Variants in CHD2 observed in about 807,000 individuals in gnomAD.
CHD2 encodes ATP-dependent chromatin remodeler CHD2.
CHD2 carries 28 observed loss-of-function variants against 243.9 expected under a neutral mutation model. That is an observed-to-expected ratio of 0.11 (90% CI 0.09 to 0.16). CHD2 has a LOEUF of 0.16. Among genes scored for constraint, CHD2 ranks in the 10% least tolerant of loss-of-function variants. The probability of loss-of-function intolerance (pLI) is 1.00; values close to 1 mark genes in which losing one functional copy is unlikely to be tolerated. For missense variants in CHD2, 1,386 were observed against 2,209.8 expected (o/e 0.63, Z 7.47); for synonymous variants, 775 against 779.0 (o/e 0.99, Z 0.09).
chr15:92,901,441 C>G (rs1266644601), intron 2 of CHD2, 142 bp downstream of exon 2: 4 of 639,850 alleles, frequency 6.3e-6, no homozygotes, highest in Non-Finnish European at 8.4e-6. Flanking sequence ...AAAGCATGAC[C>G]TTGAGATTGC....
At chr15:92,928,579 G>A (rs1295204074) in intron 4 of CHD2, among the ~76,000 whole-genome samples, 2 of 152,314 alleles carry the variant, frequency 1.3e-5, no homozygotes, top group Non-Finnish European at 2.9e-5. Flanking sequence ...TTATTTGATA[G>A]TCTCAATCTG....
At chr15:93,006,603 C>G (rs56245530) in intron 34 of CHD2, among the ~76,000 whole-genome samples, 106,511 of 152,116 alleles carry the variant, frequency 0.7, 38,644 homozygotes, top group East Asian at 0.99. Flanking sequence ...CTGTGAGGTA[C>G]GTTAGTGTTT....
At chr15:92,958,628 A>G (rs141533091) in intron 16 of CHD2, among the ~76,000 whole-genome samples, 40 of 152,334 alleles carry the variant, frequency 2.6e-4, no homozygotes, top group Non-Finnish European at 4.9e-4. Context: ...AAAAAATTCT[A>G]AAGACAAGTG....
At chr15:92,925,320 A>G (rs34498571) in intron 3 of CHD2, among the ~76,000 whole-genome samples, 26,496 of 152,228 alleles carry the variant, frequency 0.17, 3,093 homozygotes, top group Non-Finnish European at 0.26. Flanking sequence ...TTACTCATGT[A>G]AGAGTACTCA....
Position 92,953,523 on chromosome 15 carries a change from C to G in CHD2, c.1669C>G (p.Pro557Ala). 1 of 1,614,008 alleles carries G rather than the reference C, an allele frequency of 6.2e-7. No homozygotes were observed. The highest frequency in any genetic ancestry group is 8.5e-7 in the Non-Finnish European group (1 of 1,180,004). The part of the protein sequence containing the change: ...SWQREFEIWA[P>A]EINVVVYIGD... ...GCAGAGAGAGTTTGAAATCTGGGCA[C>G]CAGAGATTAACGTAGTGGTTTACAT... Residue 557 changes from proline (P) to alanine (A), a missense_variant, in exon 14 of 39, where the codon CCA becomes GCA. Transcript: ENST00000394196.
At chr15:92,909,297 C>A (rs1247537839) in intron 2 of CHD2, among the ~76,000 whole-genome samples, 1 of 152,106 alleles carries the variant, frequency 6.6e-6, no homozygotes, top group African/African-American at 2.4e-5. Flanking sequence ...AATGCAGTTA[C>A]ATTCCATTCT....
At chr15:92,986,989 G>C (rs527958528) in intron 26 of CHD2, among the ~76,000 whole-genome samples, 2 of 152,166 alleles carry the variant, frequency 1.3e-5, no homozygotes, top group East Asian at 3.9e-4. Context: ...TCCTGCTTCA[G>C]CCTCCCAAAG....
intron 16 of CHD2, among the ~76,000 whole-genome samples, chr15:92,962,851 G>T (rs2053708452): frequency 6.6e-6 from 1 of 152,024 alleles, no homozygotes; most frequent in Non-Finnish European, 1.5e-5. Context: ...GTATGTTCCT[G>T]AGGTATTGAC....
chr15:92,924,880 A>C (rs1555437465), intron 3 of CHD2, among the ~76,000 whole-genome samples: 3 of 152,106 alleles, frequency 2.0e-5, no homozygotes, highest in Non-Finnish European at 1.5e-5. Flanking sequence ...GGCTCACTGC[A>C]ATCTCCGCCT....
intron 5 of CHD2, among the ~76,000 whole-genome samples, chr15:92,934,536 C>G (rs1051755547): frequency 6.6e-6 from 1 of 152,182 alleles, no homozygotes; most frequent in Non-Finnish European, 1.5e-5. Context: ...GACTGACTTA[C>G]AATGTATGGC....
At chr15:92,969,772 A>G (rs1052483712) in intron 17 of CHD2, among the ~76,000 whole-genome samples, 2 of 151,408 alleles carry the variant, frequency 1.3e-5, no homozygotes, top group Non-Finnish European at 2.9e-5. Context: ...AGCTAATACT[A>G]CCACCAACAA....
intron 8 of CHD2, among the ~76,000 whole-genome samples, chr15:92,942,483 G>A (rs185272556): frequency 1.1e-4 from 17 of 151,810 alleles, no homozygotes; most frequent in East Asian, 3.9e-4. Context: ...AGTAGGGGAG[G>A]TTGGAGGAGG....
At chr15:92,937,649 T>G in intron 6 of CHD2, 24 bp downstream of exon 6, 8 of 1,532,614 alleles carry the variant, frequency 5.2e-6, no homozygotes, top group Non-Finnish European at 7.2e-6. Context: ...TTAAGATCTC[T>G]ACTTGGGATG....
At chr15:92,975,853 TAATC>T (rs58493097) in intron 20 of CHD2, among the ~76,000 whole-genome samples, 116,036 of 151,478 alleles carry the variant, frequency 0.77, 45,861 homozygotes, top group East Asian at 1. Context: ...CTTGGGGCAT[TAATC>T]TATTCAGAGC....
Position 92,992,989 on chromosome 15 carries a change from G to T in CHD2, c.3586G>T (p.Ala1196Ser). Residue 1196 changes from alanine (A) to serine (S), a missense_variant, in exon 28 of 39, where the codon GCC (alanine) becomes TCC (serine). Ala to Ser is a moderately conservative substitution (Grantham distance 99, BLOSUM62 1). Around this residue, in one of 19 missense-constraint regions of CHD2, gnomAD observed 99 missense variants for 176.9 expected, o/e 0.56. Transcript: ENST00000394196. ...ATACGAAGAGCAGCTGAAAGAAAAT[G>T]CCAGCGAGGGTAAGCGAAGTTGGCT... ...QEYEEQLKEN[A>S]SEGKGPGKRR... 3 of 1,613,636 alleles carry T rather than the reference G, an allele frequency of 1.9e-6. No homozygotes were observed. The highest frequency in any genetic ancestry group is 2.5e-6 in the Non-Finnish European group (3 of 1,180,004).
At chr15:92,990,311 A>C (rs2054100488) in intron 26 of CHD2, among the ~76,000 whole-genome samples, 1 of 152,198 alleles carries the variant, frequency 6.6e-6, no homozygotes, top group African/African-American at 2.4e-5. Context: ...GCTGGGGTTA[A>C]GGGGTGGGAA....
intron 22 of CHD2, among the ~76,000 whole-genome samples, chr15:92,979,793 C>T (rs2053953985): frequency 1.3e-5 from 2 of 151,982 alleles, no homozygotes; most frequent in South Asian, 4.2e-4. Context: ...TGGCAGGCGC[C>T]TGTAGTCTCA....
At chr15:92,984,704 C>T (rs1177532969) in intron 25 of CHD2, among the ~76,000 whole-genome samples, 1 of 152,172 alleles carries the variant, frequency 6.6e-6, no homozygotes, top group Non-Finnish European at 1.5e-5. Context: ...CGGATTTGGT[C>T]TTTGCAAATT....
intron 28 of CHD2, 37 bp downstream of exon 28, chr15:92,993,035 G>A: frequency 6.2e-7 from 1 of 1,609,728 alleles, no homozygotes; most frequent in Non-Finnish European, 8.5e-7. Flanking sequence ...TTCGCAACCT[G>A]GCACTCTTGG....
Sources: allele counts gnomAD v4.1 joint callset (sites outside exome capture counted in the v4.1 genomes callset), GRCh38; gene constraint gnomAD v4.1.1; regional missense constraint gnomAD v4.1.1; transcripts MANE v1.5; gene names NCBI Gene and HGNC (gene_info 2026-07-23, HGNC 2026-07-21).